The following TASP1 variants were observed in gnomAD, a reference collection of about 807,000 sequenced individuals.
TASP1 encodes taspase 1.
Under a neutral mutation model 56.6 loss-of-function variants are expected in TASP1, and 16 were observed. That is an observed-to-expected ratio of 0.28 (90% CI 0.19 to 0.43). The LOEUF is 0.43. TASP1 is among the 20% of genes least tolerant of loss of function. The pLI is 1.00. For synonymous variants in TASP1, 179 were observed against 184.2 expected, an observed-to-expected ratio of 0.97 and a Z score of 0.23; for missense variants, 393 against 511.6, an observed-to-expected ratio of 0.77 and a Z score of 2.24.
At chr20:13,159,540 T>C in the TASP1 span, among the ~76,000 whole-genome samples, 1 of 152,226 alleles carries the variant, frequency 6.6e-6, no homozygotes, top group Non-Finnish European at 1.5e-5. Flanking sequence ...TCATTGAAAT[T>C]TCCACATTGT....
intron 12 of TASP1, among the ~76,000 whole-genome samples, chr20:13,423,250 G>A (rs932568): frequency 0.61 from 93,092 of 151,906 alleles, 29,145 homozygotes; most frequent in Non-Finnish European, 0.68. Context: ...TTGATCACAA[G>A]CCACAGTAAA....
chr20:13,573,073 G>A (rs188199918), intron 6 of TASP1, among the ~76,000 whole-genome samples: 74 of 152,084 alleles, frequency 4.9e-4, no homozygotes, highest in African/African-American at 1.4e-3. Flanking sequence ...AGATAACTTC[G>A]GTTATTGATT....
chr20:13,202,692 G>A, the TASP1 span, among the ~76,000 whole-genome samples: 2 of 152,240 alleles, frequency 1.3e-5, no homozygotes, highest in Non-Finnish European at 2.9e-5. Flanking sequence ...GCTCTGCCGT[G>A]TAGTCAAAGA....
chr20:13,258,603 T>A, the TASP1 span, among the ~76,000 whole-genome samples: 1 of 152,058 alleles, frequency 6.6e-6, no homozygotes, highest in Non-Finnish European at 1.5e-5. Flanking sequence ...CATGACCACA[T>A]CCCAAAAGAA....
intron 11 of TASP1, among the ~76,000 whole-genome samples, chr20:13,477,594 T>C (rs2042989589): frequency 6.6e-6 from 1 of 152,160 alleles, no homozygotes; most frequent in Admixed American, 6.6e-5. Flanking sequence ...CAAAACCAAG[T>C]TGGTTTAAAA....
At chr20:13,592,961 C>A (rs34970733) in intron 4 of TASP1, among the ~76,000 whole-genome samples, 60 of 152,070 alleles carry the variant, frequency 3.9e-4, no homozygotes, top group African/African-American at 1.4e-3. Context: ...TACATTATAG[C>A]CAAGTGAAAT....
chr20:13,405,238 GAAGGCC>G lies in TASP1; in HGVS notation c.1170+12204_1170+12209del, dbSNP rs370089039. 2.1e-4 allele frequency among the ~76,000 whole-genome samples: 32 copies of G among 152,318 alleles called. No individual in the cohort carries two copies. In the East Asian group the frequency reaches 3.1e-3, roughly 15 times the overall value. ...TAGTAGTTTAACACTGGTAATACTT[GAAGGCC>G]AAGAGTAAATAGGATAACATTTTAA... On this transcript the variant is annotated intron_variant, in intron 13 of 13. Coordinates refer to ENST00000337743, the MANE Select transcript of TASP1 (RefSeq NM_017714.3).
the TASP1 span, chr20:13,153,937 T>A: frequency 6.3e-7 from 1 of 1,585,918 alleles, no homozygotes; most frequent in Non-Finnish European, 8.6e-7. Flanking sequence ...GCTTGCCAAG[T>A]TGACCGGACC....
chr20:13,259,153 T>G, the TASP1 span, among the ~76,000 whole-genome samples: 119 of 152,098 alleles, frequency 7.8e-4, 2 homozygotes, highest in East Asian at 0.021. Flanking sequence ...CATGGTGGTA[T>G]GCGCCTGTAG....
At chr20:13,507,147 A>C (rs1425939712) in intron 10 of TASP1, among the ~76,000 whole-genome samples, 1 of 152,176 alleles carries the variant, frequency 6.6e-6, no homozygotes, top group Non-Finnish European at 1.5e-5. Flanking sequence ...AAAGATATTA[A>C]GAAAATAATC....
At chr20:13,521,244 T>G (rs1442504613) in intron 10 of TASP1, among the ~76,000 whole-genome samples, 1 of 152,122 alleles carries the variant, frequency 6.6e-6, no homozygotes, top group African/African-American at 2.4e-5. Context: ...GAACTAGAAA[T>G]ACCATTTGAC....
chr20:13,574,018 G>C (rs2046811766), intron 6 of TASP1, among the ~76,000 whole-genome samples: 1 of 152,046 alleles, frequency 6.6e-6, no homozygotes, highest in Non-Finnish European at 1.5e-5. Context: ...GAGTACGCTA[G>C]AGATCTGCAG....
chr20:13,547,433 G>A (rs1363281976), intron 8 of TASP1, among the ~76,000 whole-genome samples: 1 of 152,150 alleles, frequency 6.6e-6, no homozygotes, highest in Non-Finnish European at 1.5e-5. Context: ...ACTTGGATTT[G>A]AGAACTCTCA....
the TASP1 span, among the ~76,000 whole-genome samples, chr20:13,213,196 AG>A: frequency 6.6e-6 from 1 of 151,962 alleles, no homozygotes. Flanking sequence ...TTAAAAAAAA[AG>A]AGTTAAAACT....
chr20:13,136,698 GTT>G, the TASP1 span, among the ~76,000 whole-genome samples: 1 of 145,856 alleles, frequency 6.9e-6, no homozygotes, highest in Non-Finnish European at 1.5e-5. Context: ...ATAAATAAAA[GTT>G]ATATATATTT....
chr20:13,416,674 C>G (rs2042265754), intron 13 of TASP1, among the ~76,000 whole-genome samples: 1 of 152,158 alleles, frequency 6.6e-6, no homozygotes, highest in Non-Finnish European at 1.5e-5. Flanking sequence ...AACTTCACAG[C>G]TTTATAACTG....
At chr20:13,279,553 C>T in the TASP1 span, 1 of 1,388,930 alleles carries the variant, frequency 7.2e-7, no homozygotes, top group Non-Finnish European at 9.8e-7. Context: ...TCCCTCTGCC[C>T]TCTCAGACTT....
intron 6 of TASP1, among the ~76,000 whole-genome samples, chr20:13,576,635 G>A (rs182778010): frequency 7.2e-5 from 11 of 152,188 alleles, no homozygotes; most frequent in Admixed American, 5.9e-4. Context: ...AGTTGGGAGC[G>A]TTTAAAAATC....
At chr20:13,346,509 G>A in the TASP1 span, among the ~76,000 whole-genome samples, 2 of 152,308 alleles carry the variant, frequency 1.3e-5, no homozygotes, top group African/African-American at 2.4e-5. Flanking sequence ...TAACCCATTA[G>A]CGAAGCCAAA....
Sources: allele counts gnomAD v4.1 joint callset (sites outside exome capture counted in the v4.1 genomes callset), GRCh38; gene constraint gnomAD v4.1.1; transcripts MANE v1.5; gene names NCBI Gene and HGNC (gene_info 2026-07-23, HGNC 2026-07-21).